Variants in MET observed in about 807,000 individuals in gnomAD.
The protein encoded by MET is hepatocyte growth factor receptor.
Under a neutral mutation model 133.1 loss-of-function variants are expected in MET, and 48 were observed. The ratio of observed to expected loss-of-function variants is 0.36; its 90% CI spans 0.29 to 0.46. The LOEUF (loss-of-function observed/expected upper bound fraction) is 0.46. MET is among the 20% of genes least tolerant of loss of function. MET has a pLI of 1.00. For synonymous variants in MET, 628 were observed against 616.5 expected, an observed-to-expected ratio of 1.02 and a Z score of -0.28; for missense variants, 1,442 against 1,695.9, an observed-to-expected ratio of 0.85 and a Z score of 2.63.
At chr7:116,729,260 A>T (rs1437483672) in intron 2 of MET, among the ~76,000 whole-genome samples, 1 of 152,234 alleles carries the variant, frequency 6.6e-6, no homozygotes, top group Non-Finnish European at 1.5e-5. Flanking sequence ...ACTAGACCTA[A>T]AACATTAGTA....
intron 11 of MET, among the ~76,000 whole-genome samples, chr7:116,769,199 AT>A (rs1403096549): frequency 6.6e-6 from 1 of 152,310 alleles, no homozygotes; most frequent in South Asian, 2.1e-4. Flanking sequence ...GGACATCAGT[AT>A]TTTTTAAAGT....
At chr7:116,718,945 A>G (rs1386307606) in intron 2 of MET, among the ~76,000 whole-genome samples, 8 of 147,478 alleles carry the variant, frequency 5.4e-5, no homozygotes, top group African/African-American at 1.8e-4. Flanking sequence ...TAATGTCGCA[A>G]TAAACATACG....
chr7:116,754,418 C>T (rs184342241), intron 5 of MET, among the ~76,000 whole-genome samples: 113 of 152,038 alleles, frequency 7.4e-4, no homozygotes, highest in Non-Finnish European at 1.6e-4. Context: ...GAGCTCAGTC[C>T]GAAGGCTGAT....
At chr7:116,747,620 G>C (rs942981328) in intron 5 of MET, among the ~76,000 whole-genome samples, 1 of 152,104 alleles carries the variant, frequency 6.6e-6, no homozygotes, top group African/African-American at 2.4e-5. Flanking sequence ...ACCCAGATTC[G>C]TAAAGCAAGT....
intron 1 of MET, among the ~76,000 whole-genome samples, chr7:116,688,285 A>G (rs923006469): frequency 2.0e-5 from 3 of 151,640 alleles, no homozygotes; most frequent in Non-Finnish European, 2.9e-5. Flanking sequence ...TGATTTGCGG[A>G]TTTATGTTAT....
At chr7:116,683,721 G>A (rs1796443852) in intron 1 of MET, among the ~76,000 whole-genome samples, 1 of 152,156 alleles carries the variant, frequency 6.6e-6, no homozygotes, top group South Asian at 2.1e-4. Context: ...AGATCTGATG[G>A]ACACTGGTTT....
intron 2 of MET, among the ~76,000 whole-genome samples, chr7:116,708,385 A>G (rs1791875979): frequency 6.6e-6 from 1 of 152,190 alleles, no homozygotes; most frequent in South Asian, 2.1e-4. Context: ...CAAGCTTTAC[A>G]TCTTAACTAC....
Position 116,796,732 on chromosome 7 carries a change from C to A in MET, c.*608C>A, listed in dbSNP as rs1046356799. 8 of 201,052 alleles carry A rather than the reference C, an allele frequency of 4.0e-5. No homozygotes were observed. The highest frequency in any genetic ancestry group is 8.2e-5 in the Non-Finnish European group (8 of 97,310). The allele number at this position is 201,052 out of a possible 1,614,324, so 12.5% of individuals were successfully genotyped here. On this transcript the variant is annotated 3_prime_UTR_variant, in exon 21 of 21. Coordinates refer to ENST00000397752, the MANE Select transcript of MET (RefSeq NM_000245.4). ...CTCACTGCAACCTCCACCTCCCAGG[C>A]TCAAGCCTCCCGAATAGCTGGGACT...
rs1442282293 is a variant in MET at position 116,783,586 on chromosome 7, T to C, written c.3798+117T>C. ...TTCAACACCACCAATTCCAGTTTTC[T>C]TCATATGTAAAAATGGACTTGTCTG... On this transcript the variant is annotated intron_variant, in intron 19 of 20. Coordinates refer to ENST00000397752, the MANE Select transcript of MET (RefSeq NM_000245.4). 3 of 1,027,548 alleles carry C rather than the reference T, an allele frequency of 2.9e-6. No individual in the cohort carries two copies. The East Asian group carries it at 7.7e-5, about 27-fold the overall frequency. 63.7% of individuals were successfully genotyped at this position (1,027,548 alleles called of 1,614,324 possible). A position where few individuals can be genotyped will look rare whatever the true frequency, so the allele number is the denominator to read the frequency against.
chr7:116,792,200 C>CT (rs1274714567), intron 19 of MET, among the ~76,000 whole-genome samples: 1 of 152,084 alleles, frequency 6.6e-6, no homozygotes, highest in Non-Finnish European at 1.5e-5. Context: ...GCAACCCTGT[C>CT]TATCACTTTT....
intron 2 of MET, among the ~76,000 whole-genome samples, chr7:116,708,947 G>T (rs1411011874): frequency 6.6e-6 from 1 of 152,122 alleles, no homozygotes; most frequent in Non-Finnish European, 1.5e-5. Flanking sequence ...GAATTCAAGG[G>T]AATGTGATGC....
intron 2 of MET, among the ~76,000 whole-genome samples, chr7:116,716,347 GGA>G (rs1458190393): frequency 1.1e-5 from 1 of 90,856 alleles, no homozygotes; most frequent in African/African-American, 4.0e-5. Context: ...GAAAAGAAAC[GGA>G]GAGAGAGGGA....
At chr7:116,781,332 A>G (rs781298100) in intron 17 of MET, among the ~76,000 whole-genome samples, 3 of 152,128 alleles carry the variant, frequency 2.0e-5, no homozygotes, top group Admixed American at 6.5e-5. Context: ...TGAATAGCAA[A>G]CTATCTTTTC....
chr7:116,727,340 G>A (rs1792833960), intron 2 of MET, among the ~76,000 whole-genome samples: 1 of 152,198 alleles, frequency 6.6e-6, no homozygotes, highest in South Asian at 2.1e-4. Context: ...CACTGTGACT[G>A]AGCCCTCGGC....
chr7:116,748,934 A>G (rs1380981363), intron 5 of MET, among the ~76,000 whole-genome samples: 1 of 152,210 alleles, frequency 6.6e-6, no homozygotes. Context: ...ATAGACCAAT[A>G]ACAAGTTCTG....
chr7:116,728,858 G>C (rs1792890219), intron 2 of MET, among the ~76,000 whole-genome samples: 1 of 152,150 alleles, frequency 6.6e-6, no homozygotes, highest in Non-Finnish European at 1.5e-5. Flanking sequence ...TATGTCTCTG[G>C]CAGCACCACA....
intron 2 of MET, among the ~76,000 whole-genome samples, chr7:116,711,787 T>C (rs567088819): frequency 4.6e-4 from 70 of 152,186 alleles, no homozygotes; most frequent in Non-Finnish European, 1.3e-4. Context: ...GATGATAATC[T>C]GAGGGATAAT....
intron 1 of MET, among the ~76,000 whole-genome samples, chr7:116,674,386 A>G (rs975570910): frequency 3.9e-5 from 6 of 152,212 alleles, no homozygotes; most frequent in African/African-American, 1.4e-4. Flanking sequence ...TCCTTTTAAG[A>G]CTATGTAAGT....
chr7:116,714,269 G>A (rs1034894536), intron 2 of MET, among the ~76,000 whole-genome samples: 1 of 152,162 alleles, frequency 6.6e-6, no homozygotes, highest in Non-Finnish European at 1.5e-5. Context: ...CTTTTGAATT[G>A]TGGTGGTACC....
Sources: gnomAD v4.1 joint callset for allele counts (sites outside exome capture counted in the v4.1 genomes callset) on GRCh38, gnomAD v4.1.1 for gene constraint, MANE v1.5 for transcripts, NCBI Gene and HGNC (gene_info 2026-07-23, HGNC 2026-07-21) for gene names.